The following ITGA9 variants were observed in gnomAD, a reference collection of about 807,000 sequenced individuals.
The protein encoded by ITGA9 is integrin subunit alpha 9, also known as integrin alpha-9.
A neutral mutation model predicts 127.8 loss-of-function variants in ITGA9; 56 were observed. The ratio of observed to expected loss-of-function variants is 0.44; its 90% CI spans 0.35 to 0.55. The LOEUF (loss-of-function observed/expected upper bound fraction) is 0.55, where lower values mean the gene tolerates loss of function less well. Ranked by LOEUF, ITGA9 falls within the 20% of genes least tolerant of loss-of-function variation. ITGA9 has a pLI of 0.00. For synonymous variants in ITGA9, 508 were observed against 514.5 expected, an observed-to-expected ratio of 0.99 and a Z score of 0.17; for missense variants, 1,196 against 1,347.1, an observed-to-expected ratio of 0.89 and a Z score of 1.76.
chr3:37,622,150 T>TC (rs1394327971), intron 15 of ITGA9, among the ~76,000 whole-genome samples: 1 of 151,034 alleles, frequency 6.6e-6, no homozygotes, highest in East Asian at 1.9e-4. Context: ...TTTTTTTTTT[T>TC]TTCCCCGGCT....
intron 4 of ITGA9, among the ~76,000 whole-genome samples, chr3:37,485,812 A>T (rs543365580): frequency 6.6e-6 from 1 of 152,198 alleles, no homozygotes; most frequent in East Asian, 1.9e-4. Flanking sequence ...AACAGAGGAA[A>T]TGGGAAATAA....
At chr3:37,632,906 A>C (rs1206319538) in intron 16 of ITGA9, among the ~76,000 whole-genome samples, 2 of 152,202 alleles carry the variant, frequency 1.3e-5, no homozygotes, top group Non-Finnish European at 2.9e-5. Context: ...TGGTAAAAAT[A>C]AAGTCACTTT....
chr3:37,693,082 T>C (rs1462435081), intron 18 of ITGA9, among the ~76,000 whole-genome samples: 1 of 152,182 alleles, frequency 6.6e-6, no homozygotes, highest in Non-Finnish European at 1.5e-5. Context: ...CCAGATCCTC[T>C]ACTCCTGATC....
At chr3:37,481,981 C>T (rs1447923469) in intron 4 of ITGA9, among the ~76,000 whole-genome samples, 1 of 152,242 alleles carries the variant, frequency 6.6e-6, no homozygotes, top group Non-Finnish European at 1.5e-5. Flanking sequence ...CCTTCTCTCT[C>T]TGGACCTCAG....
In ITGA9 at chr3:37,452,883, A is replaced by G. The variant is rs1698211763; in HGVS notation, c.185+324A>G. On this transcript the variant is annotated intron_variant, in intron 1 of 27. Coordinates refer to ENST00000264741, the MANE Select transcript of ITGA9 (RefSeq NM_002207.3). This position sits in a 1 kb window ranked among gnomAD's most constrained non-coding sequence, Gnocchi z 7.3. ...AGCTAGACTCGGCTTCACTCTCTGA[A>G]TCGAAAAGTAACTTGGCTCCTCTGC... is the stretch of plus-strand genomic sequence containing the variant. 6.6e-6 allele frequency among the ~76,000 whole-genome samples: 1 copy of G among 152,080 alleles called. No homozygotes were observed. The highest frequency in any genetic ancestry group is 1.5e-5 in the Non-Finnish European group (1 of 68,008).
chr3:37,479,712 G>A (rs1301027171), intron 3 of ITGA9, among the ~76,000 whole-genome samples: 1 of 152,188 alleles, frequency 6.6e-6, no homozygotes, highest in Non-Finnish European at 1.5e-5. Flanking sequence ...GGCCTCTCAG[G>A]TAGGAATGAG....
At chr3:37,691,359 G>A (rs2125667387) in intron 18 of ITGA9, among the ~76,000 whole-genome samples, 1 of 152,226 alleles carries the variant, frequency 6.6e-6, no homozygotes, top group Non-Finnish European at 1.5e-5. Flanking sequence ...GGAGTTGGGT[G>A]AGGCAGGTGT....
intron 13 of ITGA9, among the ~76,000 whole-genome samples, chr3:37,532,304 A>C (rs74506653): frequency 0.033 from 5,012 of 152,056 alleles, 238 homozygotes; most frequent in African/African-American, 0.1. Flanking sequence ...TCCTTTGTTC[A>C]CCCAGATTTT....
At chr3:37,571,168 C>T (rs1380794275) in intron 15 of ITGA9, among the ~76,000 whole-genome samples, 1 of 152,158 alleles carries the variant, frequency 6.6e-6, no homozygotes, top group East Asian at 1.9e-4. Context: ...AGTTGTTGTT[C>T]CCAGGCTAGG....
chr3:37,574,064 G>A (rs566863959), intron 15 of ITGA9, among the ~76,000 whole-genome samples: 1 of 152,206 alleles, frequency 6.6e-6, no homozygotes, highest in East Asian at 1.9e-4. Context: ...TCTAAAAAGG[G>A]AAAAGTTCAT....
At chr3:37,640,330 T>A (rs1700320320) in intron 16 of ITGA9, among the ~76,000 whole-genome samples, 1 of 152,132 alleles carries the variant, frequency 6.6e-6, no homozygotes. Flanking sequence ...ACTTGAAGCA[T>A]GCCTTTGCTG....
chr3:37,681,981 A>G (rs1214324572), intron 17 of ITGA9, among the ~76,000 whole-genome samples: 1 of 152,164 alleles, frequency 6.6e-6, no homozygotes, highest in Non-Finnish European at 1.5e-5. Context: ...ACCTCCAGCC[A>G]GGCGAGAACA....
rs188888665 is a variant in ITGA9, at chr3:37,538,095, A to G, written c.1529-4330A>G. Among the ~76,000 whole-genome samples, 31 of 152,272 alleles carry G rather than the reference A, an allele frequency of 2.0e-4. No individual in the cohort carries two copies. In the East Asian group the frequency reaches 4.5e-3, roughly 22 times the overall value. On this transcript the variant is annotated intron_variant, in intron 14 of 27. Coordinates refer to ENST00000264741, the MANE Select transcript of ITGA9 (RefSeq NM_002207.3). ...ATCAAGCTGGCAGTTCTGGGCTTTC[A>G]CCAGAGTGTGAAACGAAAACCAGGA...
chr3:37,658,984 A>G (rs1354157958), intron 17 of ITGA9, among the ~76,000 whole-genome samples: 60 of 151,216 alleles, frequency 4.0e-4, no homozygotes, highest in Non-Finnish European at 4.4e-5. Flanking sequence ...GAAAATTCTT[A>G]AAGAATGTTG....
At chr3:37,594,222 A>C (rs1192183862) in intron 15 of ITGA9, among the ~76,000 whole-genome samples, 1 of 152,212 alleles carries the variant, frequency 6.6e-6, no homozygotes, top group African/African-American at 2.4e-5. Context: ...GTCTGGCCCC[A>C]TTCCTGCCTG....
In ITGA9 at chr3:37,784,986, T is replaced by A. The variant is rs762898279; in HGVS notation, c.2797T>A (p.Ser933Thr). Residue 933 changes from serine to threonine, a missense_variant, in exon 26 of 28, where the codon TCT becomes ACT. Coordinates refer to ENST00000264741, the MANE Select transcript of ITGA9 (RefSeq NM_002207.3). ...NTEILKKDSS[S>T]VIQFMSRAKV... ...GTTGTTTCTTCCACAGGACAGTTCG[T>A]CTGTCATCCAGTTCATGTCCCGCGC... 1.2e-6 allele frequency: 2 copies of A among 1,613,744 alleles called. No individual in the cohort carries two copies.
chr3:37,735,853 T>A (rs1411462527), intron 19 of ITGA9, among the ~76,000 whole-genome samples: 2 of 152,226 alleles, frequency 1.3e-5, no homozygotes, highest in African/African-American at 4.8e-5. Context: ...ACATTGACCC[T>A]AACAGTGACC....
intron 15 of ITGA9, among the ~76,000 whole-genome samples, chr3:37,623,527 C>T (rs932740883): frequency 6.6e-6 from 1 of 152,192 alleles, no homozygotes; most frequent in Non-Finnish European, 1.5e-5. Flanking sequence ...ACATTCTTTC[C>T]TTCTCTTTGG....
rs1699283913 is a variant in ITGA9, at chr3:37,542,470, G to A, written c.1574G>A (p.Gly525Asp). ...GCTGACGTGGCCAAAAAGGAGAAGG[G>A]CCAGATGCCCAGGGTCTACTTTGTG... ...LMADVAKKEK[G>D]QMPRVYFVLL... is the part of the protein sequence containing the mutation. Residue 525 changes from glycine (G) to aspartate (D), a missense_variant, in exon 15 of 28, where the codon GGC becomes GAC. Coordinates refer to ENST00000264741, the MANE Select transcript of ITGA9 (RefSeq NM_002207.3). The A allele has an allele frequency of 6.2e-7, 1 of 1,613,910 alleles. No individual in the cohort carries two copies. The highest frequency in any genetic ancestry group is 1.3e-5 in the African/African-American group (1 of 74,922).
Sources: gnomAD v4.1 joint callset for allele counts (sites outside exome capture counted in the v4.1 genomes callset) on GRCh38, gnomAD v4.1.1 for gene constraint, Gnocchi (gnomAD v3.1) non-coding constraint, MANE v1.5 for transcripts, NCBI Gene and HGNC (gene_info 2026-07-23, HGNC 2026-07-21) for gene names.